Variants in MCTP1 observed in about 807,000 individuals in gnomAD.
MCTP1 encodes the protein multiple C2 and transmembrane domain-containing protein 1.
A neutral mutation model predicts 120.6 loss-of-function variants in MCTP1; 69 were observed. The observed-to-expected ratio is 0.57, with a 90% CI of 0.47 to 0.70. The LOEUF (loss-of-function observed/expected upper bound fraction) is 0.70. MCTP1 is among the 30% of genes least tolerant of loss of function. The pLI is 0.00. For missense variants in MCTP1, 1,203 were observed against 1,248.8 expected (o/e 0.96, Z 0.55); for synonymous variants, 529 against 493.1 (o/e 1.07, Z -0.96).
chr5:95,122,316 A>G (rs1001872434), intron 1 of MCTP1, among the ~76,000 whole-genome samples: 1 of 152,194 alleles, frequency 6.6e-6, no homozygotes, highest in Admixed American at 6.5e-5. Context: ...GAATCTTATG[A>G]TCTGAATTGA....
At chr5:94,952,543 A>C (rs2153532201) in intron 3 of MCTP1, among the ~76,000 whole-genome samples, 1 of 152,348 alleles carries the variant, frequency 6.6e-6, no homozygotes, top group Middle Eastern at 3.4e-3. Context: ...TAAAAGTAGA[A>C]AAAGGTCTGG....
Position 94,706,154 on chromosome 5 carries a change from A to ATTAT in MCTP1, c.*1338_*1341dup, listed in dbSNP as rs1013454230. The ATTAT allele has an allele frequency of 6.6e-6, 1 of 151,604 alleles. No individual in the cohort carries two copies. The highest frequency in any genetic ancestry group is 2.4e-5 in the African/African-American group (1 of 41,370). The allele number at this position is 151,604 out of a possible 1,614,324, so 9.4% of individuals were successfully genotyped here. On this transcript the variant is annotated 3_prime_UTR_variant, in exon 23 of 23. Transcript: ENST00000515393. The stretch of plus-strand genomic sequence containing the variant: ...CCCCACTTTTACCCCATCCAAGTTT[A>ATTAT]TTATTAATAAAGTAGTGCAAAGCAT...
At chr5:95,179,883 T>C (rs572783490) in intron 1 of MCTP1, among the ~76,000 whole-genome samples, 15 of 152,192 alleles carry the variant, frequency 9.9e-5, no homozygotes, top group Non-Finnish European at 4.4e-5. Flanking sequence ...ACCAAGTTTC[T>C]ACTGTCTTCA....
chr5:95,078,992 A>G (rs1179163250), intron 1 of MCTP1, among the ~76,000 whole-genome samples: 1 of 152,158 alleles, frequency 6.6e-6, no homozygotes, highest in Non-Finnish European at 1.5e-5. Context: ...TTGATTTGTT[A>G]TATTTCAGTA....
chr5:95,002,500 T>C (rs989390550), intron 2 of MCTP1, among the ~76,000 whole-genome samples: 1 of 152,176 alleles, frequency 6.6e-6, no homozygotes, highest in Non-Finnish European at 1.5e-5. Flanking sequence ...ACCTCTTGCA[T>C]CAGTGTGACT....
chr5:94,877,380 AT>A (rs1261418327), intron 12 of MCTP1, among the ~76,000 whole-genome samples: 10 of 152,026 alleles, frequency 6.6e-5, no homozygotes, highest in African/African-American at 2.4e-4. Context: ...ACTAAGGGCT[AT>A]TTTTTCCTAT....
chr5:94,963,038 G>A (rs985591999), intron 2 of MCTP1, among the ~76,000 whole-genome samples: 8 of 152,106 alleles, frequency 5.3e-5, no homozygotes, highest in African/African-American at 1.9e-4. Flanking sequence ...GTTCCCTTGA[G>A]CCCTTTTGTA....
intron 1 of MCTP1, among the ~76,000 whole-genome samples, chr5:95,170,132 A>G (rs1747047643): frequency 6.6e-6 from 1 of 152,174 alleles, no homozygotes; most frequent in South Asian, 2.1e-4. Context: ...ATTGGTTTCA[A>G]AGAACATCTT....
chr5:94,949,569 A>T (rs978874255), intron 3 of MCTP1, among the ~76,000 whole-genome samples: 2 of 152,146 alleles, frequency 1.3e-5, no homozygotes, highest in African/African-American at 4.8e-5. Context: ...TAAAAAATAA[A>T]ATGTTTTTAC....
chr5:95,284,117 G>C lies in MCTP1; in HGVS notation c.459C>G (p.Pro153=). 2.6e-6 allele frequency: 4 copies of C among 1,550,814 alleles called. No homozygotes were observed. The highest frequency in any genetic ancestry group is 4.9e-5 in the East Asian group (2 of 41,062). ...AGGTPPGGRS[P]DSAPSSSSAS... is the part of the protein sequence containing the mutation. ...CGGAGGAAGAGGAAGGAGCTGAGTC[G>C]GGGGAGCGTCCGCCAGGAGGCGTCC... is the stretch of plus-strand genomic sequence containing the variant. Residue 153 remains proline (P), a synonymous_variant, in exon 1 of 23, where the codon CCC becomes CCG. Transcript: ENST00000515393. The surrounding 1 kb of genome is among the most constrained non-coding windows in gnomAD (Gnocchi z 5.2).
intron 1 of MCTP1, among the ~76,000 whole-genome samples, chr5:95,207,938 AGAGAGAGAGG>A (rs1208233274): frequency 1.9e-3 from 252 of 134,532 alleles, no homozygotes; most frequent in East Asian, 5.1e-3. Flanking sequence ...CGAGAGAGAG[AGAGAGAGAGG>A]GAGAGAGAGG....
At chr5:95,119,588 T>C (rs953166738) in intron 1 of MCTP1, among the ~76,000 whole-genome samples, 6 of 152,088 alleles carry the variant, frequency 3.9e-5, no homozygotes, top group African/African-American at 1.4e-4. Context: ...AAGCACAAAG[T>C]TGGTTTTTTG....
chr5:94,799,247 T>G, intron 17 of MCTP1, 115 bp from the exon 18 acceptor site: 1 of 937,636 alleles, frequency 1.1e-6, no homozygotes. Flanking sequence ...AACAGGAAGA[T>G]TTATCTTGAA....
intron 2 of MCTP1, among the ~76,000 whole-genome samples, chr5:95,013,213 CA>C: frequency 6.6e-6 from 1 of 152,172 alleles, no homozygotes; most frequent in African/African-American, 2.4e-5. Flanking sequence ...GAGGGAGCTG[CA>C]GAAGAAAAGT....
chr5:95,139,775 A>G (rs1759753896), intron 1 of MCTP1, among the ~76,000 whole-genome samples: 1 of 152,228 alleles, frequency 6.6e-6, no homozygotes, highest in African/African-American at 2.4e-5. Context: ...AGAGCTCCTT[A>G]AAAGTGAAAA....
intron 1 of MCTP1, among the ~76,000 whole-genome samples, chr5:95,054,938 G>A (rs1392906122): frequency 1.3e-5 from 2 of 152,130 alleles, no homozygotes; most frequent in Non-Finnish European, 2.9e-5. Flanking sequence ...CTCCCGAGTA[G>A]CTGGGACCAC....
At chr5:95,014,771 C>T (rs530696593) in intron 2 of MCTP1, among the ~76,000 whole-genome samples, 22 of 152,186 alleles carry the variant, frequency 1.4e-4, no homozygotes, top group African/African-American at 5.3e-4. Flanking sequence ...ATGACTGACT[C>T]CAATTTTGAA....
chr5:94,896,441 T>C (rs560327881), intron 10 of MCTP1, among the ~76,000 whole-genome samples: 2 of 152,280 alleles, frequency 1.3e-5, no homozygotes, highest in East Asian at 3.9e-4. Context: ...CCACTCACTT[T>C]GATCATGCAT....
rs1439587113 is a variant in MCTP1, at chr5:95,080,910, AAG to A, written c.721-63428_721-63427del. ...TATGCTAGTCTTTCACTTAAATAGA[AAG>A]CCAAATATGAAAGGTCCAGAGGCTT... On this transcript the variant is annotated intron_variant, in intron 1 of 22. Coordinates refer to ENST00000515393, the MANE Select transcript of MCTP1 (RefSeq NM_024717.7). Among the ~76,000 whole-genome samples the A allele has an allele frequency of 2.0e-5, 3 of 152,332 alleles. 1 individual carries two copies.
Sources: gnomAD v4.1 joint callset for allele counts (sites outside exome capture counted in the v4.1 genomes callset) on GRCh38, gnomAD v4.1.1 for gene constraint, Gnocchi (gnomAD v3.1) non-coding constraint, MANE v1.5 for transcripts, NCBI Gene and HGNC (gene_info 2026-07-23, HGNC 2026-07-21) for gene names.